The following SSR2 variants were observed in gnomAD, a reference collection of about 807,000 sequenced individuals.
SSR2 encodes the protein signal sequence receptor subunit 2.
Under a neutral mutation model 22.6 loss-of-function variants are expected in SSR2, and 16 were observed. The observed-to-expected ratio is 0.71, with a 90% CI of 0.48 to 1.08. SSR2 has a LOEUF of 1.08. SSR2 is among the 50% of genes least tolerant of loss of function. The pLI is 0.00. For synonymous variants in SSR2, 83 were observed against 91.2 expected (o/e 0.91, Z 0.51); for missense variants, 171 against 221.6 (o/e 0.77, Z 1.45).
intron 2 of SSR2, among the ~76,000 whole-genome samples, 200 bp from the exon 3 acceptor site, chr1:156,018,568 C>T (rs1408131743): frequency 6.6e-6 from 1 of 150,726 alleles, no homozygotes; most frequent in Non-Finnish European, 1.5e-5. Flanking sequence ...ATTAGCTGGG[C>T]GCGGTGGTGA....
chr1:156,020,305 C>T lies in SSR2; in HGVS notation c.1-138G>A, dbSNP rs192384622. ...CTTCCACAGAGTAGTCCATAAGCCA[C>T]CAGAGCAGACCCGTTCTCCAGACTC... On this transcript the variant is annotated intron_variant, in intron 1 of 5. Coordinates refer to ENST00000295702, the MANE Select transcript of SSR2 (RefSeq NM_003145.4). The T allele has an allele frequency of 1.3e-4, 102 of 802,862 alleles. No homozygotes were observed. In the African/African-American group the frequency reaches 1.6e-3, roughly 13 times the overall value. 49.7% of individuals were successfully genotyped at this position (802,862 alleles called of 1,614,324 possible).
chr1:156,020,768 T>A, intron 1 of SSR2, 120 bp downstream of exon 1: 1 of 417,410 alleles, frequency 2.4e-6, no homozygotes, highest in South Asian at 1.7e-5. Flanking sequence ...TTACACGTCC[T>A]CCAGCCACCG....
At chr1:156,018,585 G>A (rs913048194) in intron 2 of SSR2, among the ~76,000 whole-genome samples, 2 of 151,578 alleles carry the variant, frequency 1.3e-5, no homozygotes, top group African/African-American at 4.9e-5. Context: ...GTGAGCGCCT[G>A]TAATCCCAGC....
At chr1:156,018,239 G>T in intron 3 of SSR2, 31 bp downstream of exon 3, 1 of 1,574,188 alleles carries the variant, frequency 6.4e-7, no homozygotes, top group South Asian at 1.1e-5. Flanking sequence ...CCTGCCCCCC[G>T]ACCCTTCATC....
chr1:156,010,408 TTG>T (rs1252315635), intron 5 of SSR2: 1 of 152,144 alleles, frequency 6.6e-6, no homozygotes, highest in African/African-American at 2.4e-5. Context: ...TCTCACTCTG[TTG>T]CTCAGGTTGG....
intron 2 of SSR2, among the ~76,000 whole-genome samples, chr1:156,018,797 T>C (rs1418299880): frequency 6.9e-6 from 1 of 144,534 alleles, no homozygotes; most frequent in African/African-American, 2.6e-5. Context: ...GGCTGATCTC[T>C]TGAGGTCAGG....
chr1:156,017,301 T>G (rs1293307836), intron 3 of SSR2, among the ~76,000 whole-genome samples: 1 of 152,238 alleles, frequency 6.6e-6, no homozygotes, highest in Non-Finnish European at 1.5e-5. Flanking sequence ...ACTCACTGAA[T>G]AAGAGACTTT....
In SSR2 at chr1:156,020,015, T is replaced by C; in HGVS notation, c.153A>G (p.Ser51=). The C allele has an allele frequency of 6.2e-7, 1 of 1,612,672 alleles. No homozygotes were observed. Among genetic ancestry groups the C allele is most frequent in the Non-Finnish European group, 8.5e-7 (1 of 1,179,036 alleles). ...GTAACTCTAGGGCCTCGAGTTACCT[T>C]GAGCCAACATTGTAGATGTTGTACT... The part of the protein sequence containing the change: ...TLQYNIYNVG[S]SAALDVELSD... The change falls in exon 2 of 6, where the codon TCA becomes TCG. Residue 51 remains serine, a splice_region_variant and synonymous_variant. Transcript: ENST00000295702.
chr1:156,020,749 C>T (rs1558079138), intron 1 of SSR2, 139 bp downstream of exon 1: 1 of 386,540 alleles, frequency 2.6e-6, no homozygotes, highest in Non-Finnish European at 5.5e-6. Context: ...CCTCCCGCCT[C>T]TTGCAAGGTT....
intron 3 of SSR2, among the ~76,000 whole-genome samples, chr1:156,017,282 G>C (rs1558077969): frequency 6.6e-6 from 1 of 152,208 alleles, no homozygotes; most frequent in East Asian, 1.9e-4. Context: ...TGGTAGATTA[G>C]AATAAGAGAC....
intron 3 of SSR2, chr1:156,018,060 C>G (rs912313009): frequency 8.8e-6 from 4 of 452,302 alleles, no homozygotes; most frequent in African/African-American, 8.1e-5. Context: ...GTTTCAGGGT[C>G]TTATAATCTG....
At chr1:156,018,026 G>A in intron 3 of SSR2, 1 of 326,030 alleles carries the variant, frequency 3.1e-6, no homozygotes, top group Non-Finnish European at 5.8e-6. Flanking sequence ...TGGGATTACA[G>A]GCATGAGCCA....
chr1:156,013,706 T>C (rs1266259656), intron 4 of SSR2: 1 of 153,310 alleles, frequency 6.5e-6, no homozygotes, highest in Non-Finnish European at 1.5e-5. Context: ...AGGCAGAAAA[T>C]AGCTAGACTA....
rs113913460 is a variant in SSR2 at position 156,011,809 on chromosome 1, C to T, written c.441+1G>A. 6 of 1,613,022 alleles carry T rather than the reference C, an allele frequency of 3.7e-6. No individual in the cohort carries two copies. Among genetic ancestry groups the T allele is most frequent in the Non-Finnish European group, 5.1e-6 (6 of 1,179,312 alleles). ...ATGAGAGAGAACACTAGAAAGCTTA[C>T]AAAATGAGGGGAGAATCGCCTGTCA... On this transcript the variant is annotated splice_donor_variant, in intron 5 of 5. Coordinates refer to ENST00000295702, the MANE Select transcript of SSR2 (RefSeq NM_003145.4). LOFTEE classifies it high-confidence loss of function.
In SSR2 at chr1:156,009,620, G is replaced by C. The variant is rs889000308; in HGVS notation, c.472C>G (p.Leu158Val). The C allele has an allele frequency of 1.2e-6, 2 of 1,612,670 alleles. No homozygotes were observed. The highest frequency in any genetic ancestry group is 1.7e-6 in the Non-Finnish European group (2 of 1,179,444). ...AGCAGGGGGATGCCGATGGAGGGAA[G>C]GGTCATGACCCCAAAGGCTGCCCAG... ...LDWAAFGVMT[L>V]PSIGIPLLLW... The change falls in exon 6 of 6, where the codon CTT (leucine) becomes GTT (valine). Residue 158 changes from leucine to valine, a missense_variant. By Grantham distance (32) the Leu-to-Val change is conservative. Coordinates refer to ENST00000295702, the MANE Select transcript of SSR2 (RefSeq NM_003145.4).
intron 4 of SSR2, chr1:156,012,707 C>G: frequency 2.5e-6 from 1 of 402,562 alleles, no homozygotes; most frequent in Non-Finnish European, 5.0e-6. Context: ...TGTTAAGTCC[C>G]TTCCCTACTG....
chr1:156,014,473 T>C (rs1251149920), intron 4 of SSR2: 1 of 152,482 alleles, frequency 6.6e-6, no homozygotes, highest in Non-Finnish European at 1.5e-5. Flanking sequence ...TTTTGAAATA[T>C]ACATTAGATT....
rs768996612 is a variant in SSR2 at position 156,012,573 on chromosome 1, C to T, written c.364-686G>A. 1.2e-4 allele frequency: 53 copies of T among 456,194 alleles called. 1 individual carries two copies. The highest frequency in any genetic ancestry group is 8.2e-4 in the South Asian group (53 of 64,564). 28.3% of individuals were successfully genotyped at this position (456,194 alleles called of 1,614,324 possible). A position where few individuals can be genotyped will look rare whatever the true frequency, so the allele number is the denominator to read the frequency against. On this transcript the variant is annotated intron_variant, in intron 4 of 5. Coordinates refer to ENST00000295702, the MANE Select transcript of SSR2 (RefSeq NM_003145.4). ...AGAGTCCTGAGGTTGGTTCTGAAAGCAGAAATGATACCGGATGTGAAAACA... is the reference window on the plus strand; with the variant it reads ...AGAGTCCTGAGGTTGGTTCTGAAAGTAGAAATGATACCGGATGTGAAAACA...
rs1683146345 is a variant in SSR2, at chr1:156,020,935, G to A, written c.-48C>T. 2.1e-6 allele frequency: 1 copy of A among 471,350 alleles called. No individual in the cohort carries two copies. The highest frequency in any genetic ancestry group is 4.4e-6 in the Non-Finnish European group (1 of 227,034). The allele number at this position is 471,350 out of a possible 1,614,324, so 29.2% of individuals were successfully genotyped here. A position where few individuals can be genotyped will look rare whatever the true frequency, so the allele number is the denominator to read the frequency against. On this transcript the variant is annotated 5_prime_UTR_variant, in exon 1 of 6. Transcript: ENST00000295702. ...CCGGAGCCACAAAGACAGGAAGAGAGCGTCAGCATCCGAAAGACCGGAAAT... is the reference window on the plus strand; with the variant it reads ...CCGGAGCCACAAAGACAGGAAGAGAACGTCAGCATCCGAAAGACCGGAAAT...
Sources: allele counts gnomAD v4.1 joint callset (sites outside exome capture counted in the v4.1 genomes callset), GRCh38; gene constraint gnomAD v4.1.1; transcripts MANE v1.5; gene names NCBI Gene and HGNC (gene_info 2026-07-23, HGNC 2026-07-21).